GREB1L: variants seen among roughly 807,000 people sequenced by gnomAD.
GREB1L encodes the protein GREB1-like protein.
GREB1L carries 17 observed loss-of-function variants against 200.8 expected under a neutral mutation model. The observed-to-expected ratio is 0.08, with a 90% CI of 0.06 to 0.13. The LOEUF is 0.13. GREB1L is among the 10% of genes least tolerant of loss of function. GREB1L has a pLI of 1.00. For synonymous variants in GREB1L, 789 were observed against 893.0 expected, an observed-to-expected ratio of 0.88 and a Z score of 2.08; for missense variants, 1,657 against 2,367.7, an observed-to-expected ratio of 0.70 and a Z score of 6.23.
chr18:21,493,602 C>G (rs1218129198), intron 19 of GREB1L, among the ~76,000 whole-genome samples: 1 of 152,146 alleles, frequency 6.6e-6, no homozygotes, highest in African/African-American at 2.4e-5. Flanking sequence ...TGCAGTGGCT[C>G]ACGCCTATAA....
At chr18:21,499,654 TG>T in intron 21 of GREB1L, 74 bp from the exon 22 acceptor site, 2 of 1,091,808 alleles carry the variant, frequency 1.8e-6, no homozygotes, top group Non-Finnish European at 2.6e-6. Flanking sequence ...ACTGCTTTCC[TG>T]GCCTTTGTCT....
intron 1 of GREB1L, among the ~76,000 whole-genome samples, chr18:21,244,974 A>G (rs1567906043): frequency 6.6e-6 from 1 of 152,230 alleles, no homozygotes; most frequent in Non-Finnish European, 1.5e-5. Flanking sequence ...TGTTTAGATT[A>G]TGAACATCCC....
At chr18:21,302,782 C>T (rs1402938412) in intron 1 of GREB1L, among the ~76,000 whole-genome samples, 1 of 152,044 alleles carries the variant, frequency 6.6e-6, no homozygotes, top group Non-Finnish European at 1.5e-5. Context: ...AGTGCAGTGG[C>T]GTGATCTCGG....
rs34711292 is a variant in GREB1L at position 21,481,439 on chromosome 18, ATGTGTGTGTGTG to A, written c.2556+4111_2556+4122del. ...GATTTTTGAGCAACAGTATATATGT[ATGTGTGTGTGTG>A]TGTGTGTGTGTGTGTGTGTGTGTGT... On this transcript the variant is annotated intron_variant, in intron 17 of 32. Transcript: ENST00000424526. Among the ~76,000 whole-genome samples the A allele has an allele frequency of 1.6e-3, 210 of 127,516 alleles. 1 individual carries two copies. The highest frequency in any genetic ancestry group is 4.7e-3 in the East Asian group (21 of 4,444). The allele number at this position is 127,516 out of a possible 152,430, so 83.7% of individuals were successfully genotyped here.
intron 31 of GREB1L, among the ~76,000 whole-genome samples, chr18:21,519,253 G>T (rs968170857): frequency 6.6e-6 from 1 of 152,150 alleles, no homozygotes; most frequent in Non-Finnish European, 1.5e-5. Flanking sequence ...CTTGAGGCCA[G>T]GAGTTCGAGA....
In GREB1L at chr18:21,441,680, T is replaced by G. The variant is rs2145268311; in HGVS notation, c.1207+143T>G. The G allele has an allele frequency of 7.1e-6, 6 of 845,674 alleles. No individual in the cohort carries two copies. The South Asian group carries it at 1.1e-4, about 16-fold the overall frequency. The allele number at this position is 845,674 out of a possible 1,614,324, so 52.4% of individuals were successfully genotyped here. ...CTTTTATTGGTCAGCTCTTTCATGCTATATTAAACATGTGATTAGGAGCTG... is the reference window on the plus strand; with the variant it reads ...CTTTTATTGGTCAGCTCTTTCATGCGATATTAAACATGTGATTAGGAGCTG... On this transcript the variant is annotated intron_variant, in intron 10 of 32. Coordinates refer to ENST00000424526, the MANE Select transcript of GREB1L (RefSeq NM_001142966.3).
intron 7 of GREB1L, among the ~76,000 whole-genome samples, chr18:21,430,884 C>T (rs1159473707): frequency 6.6e-6 from 1 of 151,612 alleles, no homozygotes; most frequent in African/African-American, 2.4e-5. Context: ...GCGTGAGCCA[C>T]CGCACCTGGC....
chr18:21,248,993 C>G (rs1205391548), intron 1 of GREB1L, among the ~76,000 whole-genome samples: 1 of 152,126 alleles, frequency 6.6e-6, no homozygotes, highest in Non-Finnish European at 1.5e-5. Context: ...TGCACAAAGG[C>G]ATATAGCAAA....
intron 1 of GREB1L, among the ~76,000 whole-genome samples, chr18:21,282,720 C>T (rs956460852): frequency 5.9e-5 from 9 of 152,144 alleles, no homozygotes; most frequent in African/African-American, 2.2e-4. Context: ...CTGCCTCAGC[C>T]TCCCAGGTAG....
chr18:21,270,896 A>G (rs764241767), intron 1 of GREB1L, among the ~76,000 whole-genome samples: 1 of 152,174 alleles, frequency 6.6e-6, no homozygotes, highest in African/African-American at 2.4e-5. Flanking sequence ...TTTCATCCTT[A>G]TCACCATCCT....
chr18:21,296,569 T>A (rs2038530224), intron 1 of GREB1L, among the ~76,000 whole-genome samples: 1 of 151,962 alleles, frequency 6.6e-6, no homozygotes, highest in Admixed American at 6.6e-5. Context: ...AAGATAAAAG[T>A]GGAAATTATT....
intron 1 of GREB1L, among the ~76,000 whole-genome samples, chr18:21,357,572 A>C (rs1171600323): frequency 6.6e-6 from 1 of 152,116 alleles, no homozygotes; most frequent in Non-Finnish European, 1.5e-5. Flanking sequence ...CAATGTCATG[A>C]GCTTTTCCCA....
intron 1 of GREB1L, among the ~76,000 whole-genome samples, chr18:21,303,449 A>G (rs988624273): frequency 2.6e-5 from 4 of 152,246 alleles, no homozygotes; most frequent in African/African-American, 9.6e-5. Flanking sequence ...GAACTAAACT[A>G]TTAAGCATAA....
intron 18 of GREB1L, among the ~76,000 whole-genome samples, chr18:21,489,571 T>A (rs1168669243): frequency 6.6e-6 from 1 of 152,166 alleles, no homozygotes; most frequent in Non-Finnish European, 1.5e-5. Flanking sequence ...CCAGGAATTA[T>A]CCATGATGAC....
At chr18:21,480,212 G>C (rs199572088) in intron 17 of GREB1L, among the ~76,000 whole-genome samples, 1 of 152,138 alleles carries the variant, frequency 6.6e-6, no homozygotes, top group Non-Finnish European at 1.5e-5. Flanking sequence ...TTAGCTGGGT[G>C]TGGTGGCAGG....
chr18:21,388,607 C>T (rs1368577401), intron 4 of GREB1L, among the ~76,000 whole-genome samples: 2 of 129,114 alleles, frequency 1.5e-5, no homozygotes, highest in East Asian at 2.4e-4. Flanking sequence ...AGTGGTGGTG[C>T]GATCTCGGCT....
At chr18:21,423,040 C>T (rs2032282791) in intron 7 of GREB1L, among the ~76,000 whole-genome samples, 2 of 152,156 alleles carry the variant, frequency 1.3e-5, no homozygotes, top group African/African-American at 4.8e-5. Context: ...AAGCAATTCT[C>T]CTGCCTCAGC....
intron 27 of GREB1L, among the ~76,000 whole-genome samples, chr18:21,510,145 T>C (rs1471749910): frequency 6.8e-6 from 1 of 147,060 alleles, no homozygotes; most frequent in African/African-American, 2.5e-5. Context: ...ACCCGGGAGC[T>C]GGTGGCGGCA....
intron 7 of GREB1L, among the ~76,000 whole-genome samples, chr18:21,414,257 C>T (rs1014649711): frequency 1.3e-5 from 2 of 151,106 alleles, no homozygotes. Flanking sequence ...TTCTGTTAAG[C>T]AATAAAAGTA....
Sources: gnomAD v4.1 joint callset for allele counts (sites outside exome capture counted in the v4.1 genomes callset) on GRCh38, gnomAD v4.1.1 for gene constraint, MANE v1.5 for transcripts, NCBI Gene and HGNC (gene_info 2026-07-23, HGNC 2026-07-21) for gene names.